Variants in NAV1 observed in about 807,000 individuals in gnomAD.
The protein encoded by NAV1 is pore membrane and/or filament interacting like protein 3.
Under a neutral mutation model 175.2 loss-of-function variants are expected in NAV1, and 18 were observed. The ratio of observed to expected loss-of-function variants is 0.10; its 90% CI spans 0.07 to 0.15. The LOEUF is 0.15. Among genes scored for constraint, NAV1 ranks in the 10% least tolerant of loss-of-function variants. The pLI is 1.00. For synonymous variants in NAV1, 897 were observed against 978.7 expected, an observed-to-expected ratio of 0.92 and a Z score of 1.56; for missense variants, 1,731 against 2,436.6, an observed-to-expected ratio of 0.71 and a Z score of 6.10.
chr1:201,729,465 A>G (rs538507938), intron 3 of NAV1, among the ~76,000 whole-genome samples: 16 of 152,054 alleles, frequency 1.1e-4, no homozygotes, highest in African/African-American at 3.6e-4. Flanking sequence ...ACATGGTGAA[A>G]CCCCATTTCT....
At chr1:201,737,145 A>G (rs1673148803) in intron 3 of NAV1, among the ~76,000 whole-genome samples, 1 of 152,086 alleles carries the variant, frequency 6.6e-6, no homozygotes, top group Non-Finnish European at 1.5e-5. Context: ...CCCAGACAAC[A>G]TTTCTCTTCA....
rs760404781 is a variant in NAV1 at position 201,780,578 on chromosome 1, A to G, written c.1365+19A>G. ...AATAGTGGTACGTGAGTTTGCAAACACCCAAGCTGCCATCTCAAGATGAAC... is the reference window on the plus strand; with the variant it reads ...AATAGTGGTACGTGAGTTTGCAAACGCCCAAGCTGCCATCTCAAGATGAAC... On this transcript the variant is annotated intron_variant, in intron 4 of 29. Transcript: ENST00000367296. 1.2e-6 allele frequency: 2 copies of G among 1,614,072 alleles called. No homozygotes were observed. The highest frequency in any genetic ancestry group is 2.2e-5 in the South Asian group (2 of 91,072).
chr1:201,640,385 A>C (rs9887863), intron 2 of NAV1, among the ~76,000 whole-genome samples: 4,061 of 152,286 alleles, frequency 0.027, 155 homozygotes, highest in African/African-American at 0.092. Flanking sequence ...CAGAGCATCC[A>C]TATTGGACCA....
At chr1:201,612,071 T>G (rs1415307492) in intron 2 of NAV1, among the ~76,000 whole-genome samples, 1 of 152,162 alleles carries the variant, frequency 6.6e-6, no homozygotes, top group African/African-American at 2.4e-5. Context: ...TATGTCTATC[T>G]CTGTGTGTCA....
chr1:201,723,812 T>C (rs1298601890), intron 3 of NAV1: 1 of 152,238 alleles, frequency 6.6e-6, no homozygotes, highest in Non-Finnish European at 1.5e-5. Flanking sequence ...TTTCTAAATA[T>C]TCAACTGAAA....
intron 8 of NAV1, 59 bp from the exon 13 acceptor site, chr1:201,786,370 A>G: frequency 6.4e-7 from 1 of 1,555,894 alleles, no homozygotes; most frequent in East Asian, 2.3e-5. Context: ...CTCCGCACCA[A>G]CTAAACCTCT....
chr1:201,719,988 G>A (rs1452161029), intron 3 of NAV1, among the ~76,000 whole-genome samples: 2 of 152,218 alleles, frequency 1.3e-5, no homozygotes, highest in Non-Finnish European at 2.9e-5. Flanking sequence ...CTGCTCTGGA[G>A]CAAAACAACT....
rs750602516 is a variant in NAV1, at chr1:201,788,677, C to T, written c.3166+39C>T. 2.6e-6 allele frequency: 4 copies of T among 1,564,294 alleles called. No homozygotes were observed. In the African/African-American group the frequency reaches 5.4e-5, roughly 21 times the overall value. On this transcript the variant is annotated intron_variant, in intron 10 of 29. Coordinates refer to ENST00000367296, the Ensembl canonical transcript of NAV1. This position sits in a 1 kb window ranked among gnomAD's most constrained non-coding sequence, Gnocchi z 5.7. ...CTAGCGCGGTTCACGCTCATTCCAG[C>T]TCTGCTGGGTCCCCTCACCCACCAC... is the stretch of plus-strand genomic sequence containing the variant.
At chr1:201,659,470 A>G (rs2102352128) in intron 1 of NAV1, among the ~76,000 whole-genome samples, 1 of 152,242 alleles carries the variant, frequency 6.6e-6, no homozygotes, top group Admixed American at 6.5e-5. Flanking sequence ...GTTTTTAAAA[A>G]TTATCTGGGC....
At chr1:201,547,201 C>G (rs1665699890) in intron 1 of NAV1, among the ~76,000 whole-genome samples, 1 of 151,988 alleles carries the variant, frequency 6.6e-6, no homozygotes, top group South Asian at 2.1e-4. Context: ...GTTGGTCAGG[C>G]TGGTCTCAAA....
chr1:201,710,924 T>C (rs1302347914), intron 1 of NAV1, among the ~76,000 whole-genome samples: 1 of 152,178 alleles, frequency 6.6e-6, no homozygotes, highest in Non-Finnish European at 1.5e-5. Flanking sequence ...CTGTCCCTCA[T>C]GTCTGCCAAG....
intron 3 of NAV1, among the ~76,000 whole-genome samples, chr1:201,760,218 C>T (rs1240182552): frequency 6.6e-6 from 1 of 152,194 alleles, no homozygotes; most frequent in East Asian, 1.9e-4. Flanking sequence ...GTAATCCCAG[C>T]ACTTTGGGAG....
chr1:201,703,635 A>G (rs1218776917), intron 1 of NAV1, among the ~76,000 whole-genome samples: 1 of 152,142 alleles, frequency 6.6e-6, no homozygotes. Context: ...CTGTGGAGGT[A>G]TTGCTTTCTC....
At chr1:201,769,930 C>T (rs1276867127) in intron 3 of NAV1, among the ~76,000 whole-genome samples, 2 of 152,168 alleles carry the variant, frequency 1.3e-5, no homozygotes, top group African/African-American at 4.8e-5. Flanking sequence ...GACAGAAGAA[C>T]AGATTCAGTG....
rs1678730252 is a variant in NAV1, at chr1:201,812,162, G to A, written c.5024+188G>A. 6.6e-6 allele frequency among the ~76,000 whole-genome samples: 1 copy of A among 152,216 alleles called. No individual in the cohort carries two copies. The highest frequency in any genetic ancestry group is 2.4e-5 in the African/African-American group (1 of 41,456). Reference sequence around the variant, plus strand: ...GAGGAGGACACTTGAGGAGAGAAAAGGCCTGCTAAGCTAAGAGAGAGCCAG... The same window carrying A: ...GAGGAGGACACTTGAGGAGAGAAAAAGCCTGCTAAGCTAAGAGAGAGCCAG... On this transcript the variant is annotated intron_variant, in intron 26 of 29. Coordinates refer to ENST00000367296, the Ensembl canonical transcript of NAV1. This position sits in a 1 kb window ranked among gnomAD's most constrained non-coding sequence, Gnocchi z 4.6.
At chr1:201,553,554 T>C (rs6693304) in intron 1 of NAV1, among the ~76,000 whole-genome samples, 10,372 of 152,330 alleles carry the variant, frequency 0.068, 735 homozygotes, top group African/African-American at 0.18. Flanking sequence ...TTACAAACAG[T>C]GAAACACACA....
At chr1:201,626,086 G>T (rs377281099) in intron 1 of NAV1, among the ~76,000 whole-genome samples, 1 of 152,124 alleles carries the variant, frequency 6.6e-6, no homozygotes, top group Non-Finnish European at 1.5e-5. Flanking sequence ...TCAAGGGTGC[G>T]ATTAGGACCA....
At chr1:201,683,830 G>A (rs1670563185) in intron 1 of NAV1, among the ~76,000 whole-genome samples, 1 of 147,636 alleles carries the variant, frequency 6.8e-6, no homozygotes, top group South Asian at 2.3e-4. Context: ...TCTTCAGAAG[G>A]AAGTCACTGT....
At chr1:201,778,684 C>G (rs1158656506) in intron 3 of NAV1, among the ~76,000 whole-genome samples, 1 of 152,320 alleles carries the variant, frequency 6.6e-6, no homozygotes, top group East Asian at 1.9e-4. Context: ...TTTCTTTGCT[C>G]TTTCTCAATG....
Sources: gnomAD v4.1 joint callset for allele counts (sites outside exome capture counted in the v4.1 genomes callset) on GRCh38, gnomAD v4.1.1 for gene constraint, Gnocchi (gnomAD v3.1) non-coding constraint, MANE v1.5 for transcripts, NCBI Gene and HGNC (gene_info 2026-07-23, HGNC 2026-07-21) for gene names.